The following PTGR1 variants were observed in gnomAD, a reference collection of about 807,000 sequenced individuals.
The protein encoded by PTGR1 is 15-oxoprostaglandin 13-reductase.
Under a neutral mutation model 37.7 loss-of-function variants are expected in PTGR1, and 23 were observed. That is an observed-to-expected ratio of 0.61 (90% CI 0.44 to 0.86). The LOEUF is 0.86. Ranked by LOEUF, PTGR1 falls within the 40% of genes least tolerant of loss-of-function variation. The probability of loss-of-function intolerance (pLI) is 0.00; values close to 1 mark genes in which losing one functional copy is unlikely to be tolerated. For synonymous variants in PTGR1, 134 were observed against 140.0 expected (o/e 0.96, Z 0.30); for missense variants, 351 against 394.3 (o/e 0.89, Z 0.93).
At chr9:111,556,213 T>C (rs1215436416) in intron 9 of PTGR1, among the ~76,000 whole-genome samples, 4 of 152,188 alleles carry the variant, frequency 2.6e-5, no homozygotes, top group African/African-American at 7.2e-5. Flanking sequence ...ATGTCTCACA[T>C]CTAGGGCATG....
chr9:111,574,358 T>C (rs912087768), intron 8 of PTGR1: 1 of 153,460 alleles, frequency 6.5e-6, no homozygotes, highest in African/African-American at 2.4e-5. Flanking sequence ...GTTTTTGTTA[T>C]TATTATTTTG....
intron 9 of PTGR1, chr9:111,564,048 T>A (rs1564609778): frequency 5.8e-6 from 1 of 173,474 alleles, no homozygotes. Context: ...TTCATGTTAG[T>A]GAGAAAGGGT....
chr9:111,587,060 C>G (rs1163160850), intron 4 of PTGR1, among the ~76,000 whole-genome samples: 2 of 152,194 alleles, frequency 1.3e-5, no homozygotes, highest in African/African-American at 2.4e-5. Context: ...GGTGATCCAC[C>G]TGCCTTGGCC....
At chr9:111,551,948 T>G (rs111825766) in intron 9 of PTGR1, among the ~76,000 whole-genome samples, 1 of 152,080 alleles carries the variant, frequency 6.6e-6, no homozygotes, top group African/African-American at 2.4e-5. Flanking sequence ...TTTAAAATTT[T>G]GTGCATATTG....
At chr9:111,587,463 T>C (rs1829471158) in intron 4 of PTGR1, among the ~76,000 whole-genome samples, 1 of 152,202 alleles carries the variant, frequency 6.6e-6, no homozygotes. Context: ...ATTTATTTAT[T>C]TATTTTTTGA....
chr9:111,559,370 T>C (rs751722698), downstream of PTGR1, among the ~76,000 whole-genome samples: 1 of 152,024 alleles, frequency 6.6e-6, no homozygotes, highest in Non-Finnish European at 1.5e-5. Flanking sequence ...GCGATTCCAA[T>C]GCCCTTCTCA....
At chr9:111,586,262 C>G in intron 4 of PTGR1, 97 bp from the exon 5 acceptor site, 4 of 1,219,356 alleles carry the variant, frequency 3.3e-6, no homozygotes, top group Non-Finnish European at 4.7e-6. Context: ...CAAAAGTGCA[C>G]TGAGGTTGAT....
chr9:111,565,505 T>G (rs1366447179), intron 9 of PTGR1, among the ~76,000 whole-genome samples: 1 of 152,188 alleles, frequency 6.6e-6, no homozygotes, highest in African/African-American at 2.4e-5. Flanking sequence ...CCAATTTTCC[T>G]ATAAATCTAA....
chr9:111,552,686 A>G (rs1173429633), intron 9 of PTGR1, among the ~76,000 whole-genome samples: 5 of 152,228 alleles, frequency 3.3e-5, no homozygotes, highest in Non-Finnish European at 5.9e-5. Flanking sequence ...TTGAGACAGA[A>G]TATACCCAGA....
At chr9:111,591,346 G>A (rs942024278) in intron 4 of PTGR1, among the ~76,000 whole-genome samples, 3 of 148,402 alleles carry the variant, frequency 2.0e-5, no homozygotes, top group Non-Finnish European at 3.0e-5. Context: ...ATAAAAGTAT[G>A]TACACTGGAC....
At chr9:111,551,024 G>T (rs1292405623) in intron 9 of PTGR1, among the ~76,000 whole-genome samples, 2 of 152,096 alleles carry the variant, frequency 1.3e-5, no homozygotes, top group Non-Finnish European at 2.9e-5. Context: ...AGGTGTTTTA[G>T]GTACTTCAGC....
chr9:111,587,958 A>G (rs2132422336), intron 4 of PTGR1, among the ~76,000 whole-genome samples: 1 of 150,360 alleles, frequency 6.7e-6, no homozygotes, highest in Non-Finnish European at 1.5e-5. Flanking sequence ...CTTTTTTCTG[A>G]GTCTGCTTGC....
In PTGR1 at chr9:111,586,668, T is replaced by C. The variant is rs1328924089; in HGVS notation, c.210-503A>G. On this transcript the variant is annotated intron_variant, in intron 4 of 9. Coordinates refer to ENST00000407693, the MANE Select transcript of PTGR1 (RefSeq NM_001146108.2). ...CAAACTTCTTCACTTCCCATTCATG[T>C]GCTAACCCGCTGCAACCTGCCTTCC... 2.6e-5 allele frequency among the ~76,000 whole-genome samples: 4 copies of C among 152,058 alleles called. No homozygotes were observed. In the East Asian group the frequency reaches 5.8e-4, roughly 22 times the overall value.
chr9:111,553,027 C>A (rs758910154), intron 9 of PTGR1, among the ~76,000 whole-genome samples: 12 of 152,142 alleles, frequency 7.9e-5, no homozygotes, highest in Non-Finnish European at 2.9e-5. Flanking sequence ...CAAACTCAGA[C>A]CCTTTTAAAA....
intron 9 of PTGR1, among the ~76,000 whole-genome samples, chr9:111,556,045 T>C (rs1320312360): frequency 6.6e-6 from 1 of 152,244 alleles, no homozygotes; most frequent in East Asian, 1.9e-4. Context: ...AACAAGTTAG[T>C]TACTTCCAAG....
chr9:111,557,377 TAAA>T (rs201364819), intron 9 of PTGR1, among the ~76,000 whole-genome samples: 18 of 144,196 alleles, frequency 1.2e-4, no homozygotes, highest in Non-Finnish European at 7.6e-5. Flanking sequence ...CCATCTCCAG[TAAA>T]AAAAAAAAGA....
At chr9:111,553,050 G>C (rs545483570) in intron 9 of PTGR1, among the ~76,000 whole-genome samples, 1 of 152,202 alleles carries the variant, frequency 6.6e-6, no homozygotes, top group South Asian at 2.1e-4. Context: ...TGTTTAAATT[G>C]TTTTGTTAGA....
intron 5 of PTGR1, among the ~76,000 whole-genome samples, chr9:111,583,980 C>A (rs1451830348): frequency 6.6e-6 from 1 of 152,090 alleles, no homozygotes; most frequent in Non-Finnish European, 1.5e-5. Flanking sequence ...GTTATCATGG[C>A]GACATAGCCA....
downstream of PTGR1, among the ~76,000 whole-genome samples, chr9:111,561,139 GAGAGAGAGGGAGAGAGAGA>G (rs1564608050): frequency 0.016 from 248 of 15,552 alleles, 11 homozygotes; most frequent in African/African-American, 0.029. Context: ...AGAGAGAGAG[GAGAGAGAGGGAGAGAGAGA>G]GAGAGAGAGA....
Sources: allele counts gnomAD v4.1 joint callset (sites outside exome capture counted in the v4.1 genomes callset), GRCh38; gene constraint gnomAD v4.1.1; transcripts MANE v1.5; gene names NCBI Gene and HGNC (gene_info 2026-07-23, HGNC 2026-07-21).